Variants in TMPRSS4 observed in about 807,000 individuals in gnomAD.
TMPRSS4 encodes transmembrane serine protease 4, also known as transmembrane protease serine 4.
A neutral mutation model predicts 56.4 loss-of-function variants in TMPRSS4; 45 were observed. That is an observed-to-expected ratio of 0.80 (90% confidence interval 0.63 to 1.02). The LOEUF (loss-of-function observed/expected upper bound fraction) is 1.02. TMPRSS4 is among the 50% of genes least tolerant of loss of function. The pLI, the probability that TMPRSS4 is intolerant of heterozygous loss-of-function variation, is 0.00. For missense variants in TMPRSS4, 546 were observed against 556.7 expected, an observed-to-expected ratio of 0.98 and a Z score of 0.19; for synonymous variants, 205 against 211.0, an observed-to-expected ratio of 0.97 and a Z score of 0.25.
rs747847490 is a variant in TMPRSS4 at position 118,094,884 on chromosome 11, C to G, written c.43+29C>G. On this transcript the variant is annotated intron_variant, in intron 2 of 12. Coordinates refer to ENST00000437212, the MANE Select transcript of TMPRSS4 (RefSeq NM_019894.4). ...AGTTCAGGTCCGGCTTTCATTCGTC[C>G]ACCTTAGCCTCTGAGTTTCAGCTAC... 3.7e-6 allele frequency: 6 copies of G among 1,607,888 alleles called. No individual in the cohort carries two copies. The South Asian group carries it at 6.7e-5, about 18-fold the overall frequency.
chr11:118,116,647 A>G (rs151178120), intron 11 of TMPRSS4, among the ~76,000 whole-genome samples: 93 of 151,822 alleles, frequency 6.1e-4, no homozygotes, highest in African/African-American at 2.2e-3. Flanking sequence ...ACTACCTGGC[A>G]CAAAATAGGC....
chr11:118,085,385 A>G (rs1307716256), intron 1 of TMPRSS4, among the ~76,000 whole-genome samples: 1 of 151,846 alleles, frequency 6.6e-6, no homozygotes, highest in African/African-American at 2.4e-5. Context: ...CACCACGCCC[A>G]GCTAATTTTT....
At chr11:118,090,286 C>G (rs1945849580) in intron 1 of TMPRSS4, among the ~76,000 whole-genome samples, 1 of 152,158 alleles carries the variant, frequency 6.6e-6, no homozygotes, top group Non-Finnish European at 1.5e-5. Context: ...TTCTTTCATT[C>G]AACAAATATT....
intron 1 of TMPRSS4, among the ~76,000 whole-genome samples, chr11:118,091,737 G>A (rs1945979794): frequency 6.6e-6 from 1 of 152,094 alleles, no homozygotes; most frequent in Non-Finnish European, 1.5e-5. Flanking sequence ...AATTGATATC[G>A]ACTTGACTAG....
intron 1 of TMPRSS4, among the ~76,000 whole-genome samples, chr11:118,080,697 G>A (rs1218892681): frequency 1.3e-5 from 2 of 152,192 alleles, no homozygotes; most frequent in Non-Finnish European, 2.9e-5. Flanking sequence ...GGGGTCATGG[G>A]TAGAGGGAGA....
intron 1 of TMPRSS4, among the ~76,000 whole-genome samples, chr11:118,092,022 G>A (rs1182558404): frequency 1.3e-5 from 2 of 151,840 alleles, no homozygotes; most frequent in Non-Finnish European, 2.9e-5. Context: ...AAACAGCAAG[G>A]GTACAAAGGC....
intron 4 of TMPRSS4, among the ~76,000 whole-genome samples, chr11:118,104,305 G>A (rs1946876189): frequency 1.3e-5 from 2 of 152,166 alleles, no homozygotes; most frequent in Admixed American, 1.3e-4. Context: ...TCCCCAGGCT[G>A]GGCAAGTTGT....
At chr11:118,104,654 C>A (rs755747618) in intron 4 of TMPRSS4, 37 bp from the exon 5 acceptor site, 2 of 1,613,680 alleles carry the variant, frequency 1.2e-6, no homozygotes, top group Admixed American at 1.7e-5. Context: ...CCAGTTGGGC[C>A]CCCCGTTCCA....
chr11:118,084,351 G>A (rs1044652277), intron 1 of TMPRSS4, among the ~76,000 whole-genome samples: 1 of 152,242 alleles, frequency 6.6e-6, no homozygotes, highest in Non-Finnish European at 1.5e-5. Flanking sequence ...CACTCGACGA[G>A]TTATGTGAGT....
At position 118,119,300 on chromosome 11, in the gene TMPRSS4, G is replaced by A. The variant is rs974150146; in HGVS notation, c.*1387G>A. 6 of 985,284 alleles carry A rather than the reference G, an allele frequency of 6.1e-6. No individual in the cohort carries two copies. In the African/African-American group the frequency reaches 1.0e-4, roughly 17 times the overall value. 61.0% of individuals were successfully genotyped at this position (985,284 alleles called of 1,614,324 possible). A position where few individuals can be genotyped will look rare whatever the true frequency, so the allele number is the denominator to read the frequency against. ...ACTGAAGACAAGGGAGCTGAACCAG[G>A]GCTCCTACATGAAGCAGGGATAACT... is the stretch of plus-strand genomic sequence containing the variant. On this transcript the variant is annotated 3_prime_UTR_variant, in exon 13 of 13. Coordinates refer to ENST00000437212, the MANE Select transcript of TMPRSS4 (RefSeq NM_019894.4).
rs150913193 is a variant in TMPRSS4 at position 118,112,554 on chromosome 11, G to A, written c.743+654G>A. 9.7e-4 allele frequency among the ~76,000 whole-genome samples: 147 copies of A among 151,838 alleles called. 1 individual carries two copies. Among genetic ancestry groups the A allele is most frequent in the Middle Eastern group, 3.4e-3 (1 of 294 alleles). ...ACTATAGGCATGGGCCACCATGCCC[G>A]GCTAATTTTTGTATTTTTGGTAGAG... On this transcript the variant is annotated intron_variant, in intron 8 of 12. Coordinates refer to ENST00000437212, the MANE Select transcript of TMPRSS4 (RefSeq NM_019894.4).
chr11:118,103,165 G>A lies in TMPRSS4; in HGVS notation c.222G>A (p.Lys74=). Residue 74 remains lysine (K), a synonymous_variant, in exon 4 of 13, where the codon AAG becomes AAA. Coordinates refer to ENST00000437212, the MANE Select transcript of TMPRSS4 (RefSeq NM_019894.4). The part of the protein sequence containing the change: ...CGQPLHFIPR[K]QLCDGELDCP... ...AGCCTCTCCACTTCATCCCGAGGAA[G>A]CAGCTGTGTGACGGAGAGCTGGACT... 6.2e-7 allele frequency: 1 copy of A among 1,614,234 alleles called. No homozygotes were observed. Among genetic ancestry groups the A allele is most frequent in the Non-Finnish European group, 8.5e-7 (1 of 1,180,048 alleles).
At position 118,116,592 on chromosome 11, in the gene TMPRSS4, G is replaced by A. The variant is rs550452573; in HGVS notation, c.1153-713G>A. Reference sequence around the variant, plus strand: ...TTGATCCTAAGCTTTCTGAGGGCAGGGATCTTTGTTTTTTTTCATCAGTTG... The same window carrying A: ...TTGATCCTAAGCTTTCTGAGGGCAGAGATCTTTGTTTTTTTTCATCAGTTG... On this transcript the variant is annotated intron_variant, in intron 11 of 12. Transcript: ENST00000437212. Among the ~76,000 whole-genome samples, 6 of 132,642 alleles carry A rather than the reference G, an allele frequency of 4.5e-5. No homozygotes were observed. In the East Asian group the frequency reaches 1.7e-3, roughly 38 times the overall value. 87.0% of individuals were successfully genotyped at this position (132,642 alleles called of 152,430 possible).
intron 1 of TMPRSS4, chr11:118,088,275 G>A (rs999357857): frequency 4.6e-5 from 7 of 152,236 alleles, no homozygotes; most frequent in Non-Finnish European, 1.0e-4. Context: ...TCTCAGGGTT[G>A]TTCCATGGAT....
At chr11:118,115,909 C>G (rs1363156382) in intron 11 of TMPRSS4, among the ~76,000 whole-genome samples, 2 of 152,160 alleles carry the variant, frequency 1.3e-5, no homozygotes, top group Admixed American at 6.5e-5. Context: ...CCCTTGAGGT[C>G]AGGAATCCCA....
chr11:118,097,970 A>G (rs912507173), intron 2 of TMPRSS4, among the ~76,000 whole-genome samples: 1 of 152,236 alleles, frequency 6.6e-6, no homozygotes, highest in Admixed American at 6.5e-5. Flanking sequence ...GGGTTTCACC[A>G]TGTTGGCCAG....
intron 1 of TMPRSS4, among the ~76,000 whole-genome samples, chr11:118,090,305 A>T (rs148177144): frequency 6.6e-6 from 1 of 152,044 alleles, no homozygotes; most frequent in African/African-American, 2.4e-5. Flanking sequence ...TTTTTTCAAT[A>T]CTCATTATGT....
chr11:118,096,455 C>G (rs1300933231), intron 2 of TMPRSS4, among the ~76,000 whole-genome samples: 1 of 152,160 alleles, frequency 6.6e-6, no homozygotes, highest in Non-Finnish European at 1.5e-5. Flanking sequence ...TATGATTAGC[C>G]ATCATTCAAG....
At chr11:118,096,734 C>A (rs1214334051) in intron 2 of TMPRSS4, among the ~76,000 whole-genome samples, 1 of 150,910 alleles carries the variant, frequency 6.6e-6, no homozygotes, top group East Asian at 1.9e-4. Context: ...TGCAGTGAAC[C>A]AAGATCATGC....
Sources: gnomAD v4.1 joint callset for allele counts (sites outside exome capture counted in the v4.1 genomes callset) on GRCh38, gnomAD v4.1.1 for gene constraint, MANE v1.5 for transcripts, NCBI Gene and HGNC (gene_info 2026-07-23, HGNC 2026-07-21) for gene names.